The following DPP6 variants were observed in gnomAD, a reference collection of about 807,000 sequenced individuals.
DPP6 encodes the protein A-type potassium channel modulatory protein DPP6.
DPP6 carries 69 observed loss-of-function variants against 122.6 expected under a neutral mutation model. The ratio of observed to expected loss-of-function variants is 0.56; its 90% CI spans 0.46 to 0.69. DPP6 has a LOEUF of 0.69. DPP6 is among the 30% of genes least tolerant of loss of function. DPP6 has a pLI of 0.00. For synonymous variants in DPP6, 418 were observed against 433.1 expected (o/e 0.97, Z 0.43); for missense variants, 928 against 1,116.9 (o/e 0.83, Z 2.41).
intron 4 of DPP6, among the ~76,000 whole-genome samples, chr7:154,553,107 T>C (rs1168796146): frequency 5.9e-5 from 9 of 152,034 alleles, no homozygotes; most frequent in Admixed American, 5.9e-4. Context: ...AAGAAAGGGG[T>C]TTGTAGAAGG....
intron 1 of DPP6, among the ~76,000 whole-genome samples, chr7:154,212,595 G>A (rs1354633790): frequency 6.6e-6 from 1 of 152,176 alleles, no homozygotes; most frequent in African/African-American, 2.4e-5. Flanking sequence ...GGGAGCATGA[G>A]GATGATCGAG....
At chr7:154,240,357 C>G (rs947045100) in intron 1 of DPP6, among the ~76,000 whole-genome samples, 4 of 152,154 alleles carry the variant, frequency 2.6e-5, no homozygotes, top group African/African-American at 9.7e-5. Context: ...TCTGCTCTTT[C>G]CTGAACTGAC....
chr7:154,063,540 G>C, intron 1 of DPP6, among the ~76,000 whole-genome samples: 1 of 128,348 alleles, frequency 7.8e-6, no homozygotes, highest in South Asian at 2.9e-4. Context: ...CACCCCCCGC[G>C]AGGGTGGGGA....
Position 154,803,855 on chromosome 7 carries a change from G to A in DPP6, c.1408-9G>A. 1.2e-6 allele frequency: 2 copies of A among 1,612,984 alleles called. No homozygotes were observed. Among genetic ancestry groups the A allele is most frequent in the Non-Finnish European group, 1.7e-6 (2 of 1,179,232 alleles). On this transcript the variant is annotated splice_polypyrimidine_tract_variant and intron_variant, in intron 13 of 25. Transcript: ENST00000377770. ...TGTCTGCTCCTGATGCCATGTCTGT[G>A]TGTTTCAGCCCAACAGCAGCAACGA...
intron 1 of DPP6, among the ~76,000 whole-genome samples, chr7:154,203,183 C>T (rs1009518715): frequency 9.2e-5 from 14 of 152,100 alleles, no homozygotes; most frequent in African/African-American, 2.7e-4. Flanking sequence ...AGCTCATGCC[C>T]GGCATATAAT....
chr7:154,521,952 C>T (rs1193682129), intron 3 of DPP6, among the ~76,000 whole-genome samples: 2 of 151,566 alleles, frequency 1.3e-5, no homozygotes, highest in Non-Finnish European at 2.9e-5. Flanking sequence ...AAAAATATTA[C>T]GTGGTCTTTC....
At chr7:154,010,997 T>A (rs1234318497) in intron 1 of DPP6, among the ~76,000 whole-genome samples, 1 of 152,224 alleles carries the variant, frequency 6.6e-6, no homozygotes, top group Non-Finnish European at 1.5e-5. Context: ...CATCTGGGCA[T>A]GGCAGCACCT....
chr7:154,483,062 G>A lies in DPP6; in HGVS notation c.457+8025G>A, dbSNP rs1186948623. On this transcript the variant is annotated intron_variant, in intron 3 of 25. Coordinates refer to ENST00000377770, the MANE Select transcript of DPP6 (RefSeq NM_130797.4). The surrounding 1 kb of genome is among the most constrained non-coding windows in gnomAD (Gnocchi z 8.1). ...ATCTGGAGGACCATGGAAAGCGTGG[G>A]TTGTGGAGGTACTGCTCAGAGCCTC... Among the ~76,000 whole-genome samples the A allele has an allele frequency of 6.6e-6, 1 of 152,132 alleles. No homozygotes were observed. The highest frequency in any genetic ancestry group is 1.9e-4 in the East Asian group (1 of 5,192).
intron 16 of DPP6, among the ~76,000 whole-genome samples, chr7:154,836,309 A>G (rs1801050440): frequency 6.6e-6 from 1 of 152,222 alleles, no homozygotes; most frequent in Non-Finnish European, 1.5e-5. Flanking sequence ...CTCTTCTGCC[A>G]GTATTTTCTT....
chr7:154,769,337 C>T (rs1446673426), intron 8 of DPP6, 80 bp from the exon 9 acceptor site: 2 of 1,581,460 alleles, frequency 1.3e-6, no homozygotes, highest in Non-Finnish European at 1.7e-6. Context: ...CTTTCCTGGC[C>T]ACCTCATGTT....
At chr7:154,321,433 G>A (rs1807943683) in intron 1 of DPP6, among the ~76,000 whole-genome samples, 1 of 152,086 alleles carries the variant, frequency 6.6e-6, no homozygotes, top group Non-Finnish European at 1.5e-5. Context: ...CCATCACGGA[G>A]ATTTTTCACC....
At chr7:153,980,091 A>G (rs926670313) in intron 1 of DPP6, among the ~76,000 whole-genome samples, 6 of 151,902 alleles carry the variant, frequency 3.9e-5, no homozygotes, top group Admixed American at 1.3e-4. Flanking sequence ...CTCTTTTTCT[A>G]TTGTTTGGAA....
intron 1 of DPP6, among the ~76,000 whole-genome samples, chr7:154,061,798 C>A (rs192510207): frequency 7.8e-5 from 8 of 102,590 alleles, no homozygotes; most frequent in Non-Finnish European, 1.4e-4. Context: ...CCCCTCGCGA[C>A]GCGGGGACTG....
At chr7:154,566,633 A>T (rs1051548439) in intron 4 of DPP6, among the ~76,000 whole-genome samples, 1 of 152,164 alleles carries the variant, frequency 6.6e-6, no homozygotes, top group African/African-American at 2.4e-5. Context: ...AAGTCCAATA[A>T]GTATGTTTTG....
At chr7:154,077,963 C>T (rs911607376) in intron 1 of DPP6, among the ~76,000 whole-genome samples, 1 of 152,080 alleles carries the variant, frequency 6.6e-6, no homozygotes, top group Non-Finnish European at 1.5e-5. Context: ...GCTACTGCTC[C>T]CGGCCAATAG....
chr7:154,677,199 C>A (rs899788409), intron 7 of DPP6, among the ~76,000 whole-genome samples: 23 of 152,170 alleles, frequency 1.5e-4, no homozygotes, highest in African/African-American at 5.3e-4. Flanking sequence ...GGACGGAGCC[C>A]ATTCCAAGCA....
At chr7:154,346,636 C>G (rs1013371563) in intron 1 of DPP6, among the ~76,000 whole-genome samples, 1 of 152,110 alleles carries the variant, frequency 6.6e-6, no homozygotes, top group African/African-American at 2.4e-5. Flanking sequence ...TGGGACCCCC[C>G]CTGTGTCTTG....
intron 8 of DPP6, among the ~76,000 whole-genome samples, chr7:154,761,732 A>G (rs1404805617): frequency 6.6e-6 from 1 of 151,364 alleles, no homozygotes; most frequent in Non-Finnish European, 1.5e-5. Context: ...TTTATTTTTT[A>G]TTATACTTTA....
rs1158166547 is a variant in DPP6, at chr7:154,062,264, C to T, written c.243+9201C>T. On this transcript the variant is annotated intron_variant, in intron 1 of 25. Transcript: ENST00000377770. The stretch of plus-strand genomic sequence containing the variant: ...AAATCTTCTGACGGCAGGTACCTTA[C>T]GTGGGATTACTGAGAGCCAGTCCCT... Among the ~76,000 whole-genome samples, 9 of 76,864 alleles carry T rather than the reference C, an allele frequency of 1.2e-4. 2 individuals carry two copies. Among genetic ancestry groups the T allele is most frequent in the Non-Finnish European group, 1.9e-4 (7 of 36,888 alleles). The allele number at this position is 76,864 out of a possible 152,430, so 50.4% of individuals were successfully genotyped here.
Sources: gnomAD v4.1 joint callset for allele counts (sites outside exome capture counted in the v4.1 genomes callset) on GRCh38, gnomAD v4.1.1 for gene constraint, Gnocchi (gnomAD v3.1) non-coding constraint, MANE v1.5 for transcripts, NCBI Gene and HGNC (gene_info 2026-07-23, HGNC 2026-07-21) for gene names.